ZMPSTE24: variants seen among roughly 807,000 people sequenced by gnomAD.
ZMPSTE24 encodes CAAX prenyl protease 1 homolog.
ZMPSTE24 carries 48 observed loss-of-function variants against 56.7 expected under a neutral mutation model. The ratio of observed to expected loss-of-function variants is 0.85; its 90% CI spans 0.67 to 1.08. The LOEUF (loss-of-function observed/expected upper bound fraction) is 1.08. ZMPSTE24 is among the 50% of genes least tolerant of loss of function. ZMPSTE24 has a pLI of 0.00. For synonymous variants in ZMPSTE24, 172 were observed against 195.2 expected (o/e 0.88, Z 0.99); for missense variants, 503 against 548.7 (o/e 0.92, Z 0.83).
intron 8 of ZMPSTE24, among the ~76,000 whole-genome samples, chr1:40,288,334 T>C (rs529077654): frequency 2.0e-5 from 3 of 152,262 alleles, no homozygotes; most frequent in African/African-American, 7.2e-5. Context: ...TAAGATTAAA[T>C]AAGTCCAGGT....
Position 40,264,804 on chromosome 1 carries a change from A to AGGAGAT in ZMPSTE24, c.271-2977_271-2972dup, listed in dbSNP as rs1157782596. On this transcript the variant is annotated intron_variant, in intron 2 of 9. Coordinates refer to ENST00000372759, the MANE Select transcript of ZMPSTE24 (RefSeq NM_005857.5). The stretch of plus-strand genomic sequence containing the variant: ...TGAGGTGGGAGGGTTGCTGGAGCCC[A>AGGAGAT]GGAGATGGAGGCTGCAGTGAGCTGT... Among the ~76,000 whole-genome samples the AGGAGAT allele has an allele frequency of 8.2e-5, 12 of 147,052 alleles. 1 individual carries two copies. Among genetic ancestry groups the AGGAGAT allele is most frequent in the East Asian group, 4.2e-4 (2 of 4,740 alleles).
rs112662955 is a variant in ZMPSTE24, at chr1:40,285,926, A to G, written c.956A>G (p.Asn319Ser). The change falls in exon 8 of 10, where the codon AAT becomes AGT. Residue 319 changes from asparagine (N) to serine (S), a missense_variant and splice_region_variant. By Grantham distance (46) the Asn-to-Ser change is conservative. Transcript: ENST00000372759. Reference protein sequence around the residue: ...NSEEIKAKVKNKKQGCKNEEV... With the variant: ...NSEEIKAKVKSKKQGCKNEEV... ...TATTTTTGATTTTTTTTTATTCAGA[A>G]TAAGAAACAAGGATGTAAAAATGAG... 4 of 1,612,652 alleles carry G rather than the reference A, an allele frequency of 2.5e-6. No homozygotes were observed. The highest frequency in any genetic ancestry group is 1.3e-5 in the African/African-American group (1 of 74,994).
At chr1:40,291,240 AC>A (rs1431377746) in intron 9 of ZMPSTE24, among the ~76,000 whole-genome samples, 2 of 152,228 alleles carry the variant, frequency 1.3e-5, no homozygotes, top group African/African-American at 4.8e-5. Context: ...AGTGGTGAAC[AC>A]CTAAAAGGAC....
intron 7 of ZMPSTE24, among the ~76,000 whole-genome samples, 187 bp downstream of exon 7, chr1:40,281,714 T>TG (rs1425505790): frequency 5.3e-5 from 8 of 152,152 alleles, no homozygotes; most frequent in Non-Finnish European, 1.0e-4. Context: ...CTAACTACCT[T>TG]GCAAGCTTTT....
chr1:40,271,138 C>T (rs1459810087), intron 5 of ZMPSTE24, among the ~76,000 whole-genome samples: 3 of 152,172 alleles, frequency 2.0e-5, no homozygotes, highest in Admixed American at 1.3e-4. Context: ...GATCATAGTG[C>T]ACTACAGCTT....
intron 3 of ZMPSTE24, 35 bp from the exon 4 acceptor site, chr1:40,268,384 A>G: frequency 1.4e-6 from 2 of 1,468,172 alleles, no homozygotes; most frequent in Non-Finnish European, 1.9e-6. Context: ...CCAGTAGTTC[A>G]TAAAAACTGG....
chr1:40,291,113 A>G (rs985961286), intron 9 of ZMPSTE24, 116 bp downstream of exon 9: 1 of 1,368,632 alleles, frequency 7.3e-7, no homozygotes, highest in Admixed American at 2.3e-5. Flanking sequence ...TAGATGAAAC[A>G]AAGTCTTTTA....
chr1:40,282,328 A>C (rs1043916636), intron 7 of ZMPSTE24, among the ~76,000 whole-genome samples: 18 of 152,220 alleles, frequency 1.2e-4, no homozygotes, highest in African/African-American at 4.3e-4. Context: ...TAAAGTATCA[A>C]GACTAAATGG....
chr1:40,271,344 TTAAAG>T (rs1370603466), intron 5 of ZMPSTE24, among the ~76,000 whole-genome samples: 1 of 152,198 alleles, frequency 6.6e-6, no homozygotes, highest in Non-Finnish European at 1.5e-5. Flanking sequence ...GTATGGCAAA[TTAAAG>T]TAAGATGAAA....
In ZMPSTE24 at chr1:40,258,289, G is replaced by T. The variant is rs755764700; in HGVS notation, c.18G>T (p.Ser6=). 8 of 1,613,928 alleles carry T rather than the reference G, an allele frequency of 5.0e-6. No individual in the cohort carries two copies. The African/African-American group carries it at 5.3e-5, about 11-fold the overall frequency. MGMWA[S]LDALWEMPAE... ...GGGTGGCCATGGGGATGTGGGCATC[G>T]CTGGACGCTTTGTGGGAGATGCCGG... The change falls in exon 1 of 10, where the codon TCG becomes TCT. Residue 6 remains serine (S), a synonymous_variant. Transcript: ENST00000372759.
intron 8 of ZMPSTE24, among the ~76,000 whole-genome samples, chr1:40,287,413 C>G (rs758238504): frequency 6.6e-6 from 1 of 152,090 alleles, no homozygotes; most frequent in African/African-American, 2.4e-5. Flanking sequence ...CGTGGTGGCT[C>G]ATGCTTGTAA....
chr1:40,288,852 G>A (rs1188085505), intron 8 of ZMPSTE24, among the ~76,000 whole-genome samples: 3 of 151,424 alleles, frequency 2.0e-5, no homozygotes, highest in Non-Finnish European at 4.4e-5. Flanking sequence ...TTTTCCCACT[G>A]CCAATAAATT....
At position 40,258,363 on chromosome 1, in the gene ZMPSTE24, A is replaced by G; in HGVS notation, c.92A>G (p.Tyr31Cys). Residue 31 changes from tyrosine to cysteine, a missense_variant, in exon 1 of 10, where the codon TAT (tyrosine) becomes TGT (cysteine). Physicochemically the swap from Tyr to Cys is radical, Grantham distance 194. Coordinates refer to ENST00000372759, the MANE Select transcript of ZMPSTE24 (RefSeq NM_005857.5). ...GTGCTGCTCTTTTCCTGGACAGTGT[A>G]TCTTTGGGAGACCTTCCTAGCACAG... ...GAVLLFSWTV[Y>C]LWETFLAQRQ... is the part of the protein sequence containing the mutation. 3.1e-6 allele frequency: 5 copies of G among 1,614,078 alleles called. No individual in the cohort carries two copies. Among genetic ancestry groups the G allele is most frequent in the Middle Eastern group, 1.6e-4 (1 of 6,062 alleles).
Position 40,280,801 on chromosome 1 carries a change from A to C in ZMPSTE24, c.770-542A>C, listed in dbSNP as rs141031193. 2.0e-3 allele frequency among the ~76,000 whole-genome samples: 305 copies of C among 152,346 alleles called. 1 individual carries two copies. Among genetic ancestry groups the C allele is most frequent in the African/African-American group, 7.0e-3 (290 of 41,586 alleles). The stretch of plus-strand genomic sequence containing the variant: ...ATAAACAGCAAGTAATGTCATTAGC[A>C]AAAAACATAAAGTGAGAAATGTGCA... On this transcript the variant is annotated intron_variant, in intron 6 of 9. Transcript: ENST00000372759.
chr1:40,269,087 A>AG (rs920423344), intron 4 of ZMPSTE24, among the ~76,000 whole-genome samples: 1 of 145,100 alleles, frequency 6.9e-6, no homozygotes, highest in African/African-American at 2.8e-5. Context: ...AAAAAAAAAA[A>AG]AAAAAAAAAA....
chr1:40,274,813 A>G (rs998633225), intron 6 of ZMPSTE24, among the ~76,000 whole-genome samples: 1 of 152,216 alleles, frequency 6.6e-6, no homozygotes, highest in Non-Finnish European at 1.5e-5. Flanking sequence ...CTAGGATAAT[A>G]GTAATTAATG....
chr1:40,266,644 G>A (rs762716092), intron 2 of ZMPSTE24, among the ~76,000 whole-genome samples: 3 of 151,760 alleles, frequency 2.0e-5, no homozygotes, highest in Non-Finnish European at 4.4e-5. Context: ...CTCCACTTCT[G>A]TGCTTTGTTC....
intron 2 of ZMPSTE24, among the ~76,000 whole-genome samples, chr1:40,266,282 C>T (rs1208099962): frequency 6.6e-6 from 1 of 152,168 alleles, no homozygotes; most frequent in African/African-American, 2.4e-5. Context: ...GAATATTGTG[C>T]TTCTAGTCAA....
chr1:40,267,924 G>A, intron 3 of ZMPSTE24, 52 bp downstream of exon 3: 1 of 1,524,310 alleles, frequency 6.6e-7, no homozygotes, highest in Non-Finnish European at 9.1e-7. Context: ...TAGCTTGGCA[G>A]GCTTTCCACT....
Sources: gnomAD v4.1 joint callset for allele counts (sites outside exome capture counted in the v4.1 genomes callset) on GRCh38, gnomAD v4.1.1 for gene constraint, MANE v1.5 for transcripts, NCBI Gene and HGNC (gene_info 2026-07-23, HGNC 2026-07-21) for gene names.